ZFAND4: variants seen among roughly 807,000 people sequenced by gnomAD.
The protein encoded by ZFAND4 is zinc finger AN1-type containing 4, also known as AN1-type zinc finger protein 4.
In ZFAND4, 43 loss-of-function variants were observed where a neutral mutation model predicts 64.4. The observed-to-expected ratio is 0.67, with a 90% CI of 0.52 to 0.86. The LOEUF is 0.86. Ranked by LOEUF, ZFAND4 falls within the 40% of genes least tolerant of loss-of-function variation. ZFAND4 has a pLI of 0.00. For missense variants in ZFAND4, 929 were observed against 859.8 expected (o/e 1.08, Z -1.01); for synonymous variants, 296 against 305.7 (o/e 0.97, Z 0.33).
At chr10:45,669,376 G>C (rs1035095379) in intron 1 of ZFAND4, among the ~76,000 whole-genome samples, 2 of 152,156 alleles carry the variant, frequency 1.3e-5, no homozygotes, top group East Asian at 3.8e-4. Context: ...CTCTGAAATT[G>C]AGGCAATAAT....
intron 3 of ZFAND4, 80 bp downstream of exon 3, chr10:45,652,904 A>G: frequency 9.4e-7 from 1 of 1,060,296 alleles, no homozygotes; most frequent in Non-Finnish European, 1.4e-6. Flanking sequence ...ACATGATCTA[A>G]GAGTTCAAAA....
intron 5 of ZFAND4, among the ~76,000 whole-genome samples, chr10:45,643,466 C>T (rs540318323): frequency 6.6e-6 from 1 of 151,268 alleles, no homozygotes; most frequent in African/African-American, 2.4e-5. Context: ...GACGGGAGAT[C>T]AAGACCATCC....
chr10:45,665,595 C>T (rs1254811249), intron 1 of ZFAND4, among the ~76,000 whole-genome samples: 1 of 152,068 alleles, frequency 6.6e-6, no homozygotes, highest in Non-Finnish European at 1.5e-5. Flanking sequence ...ATAAAATTCA[C>T]TCATTTAAAG....
chr10:45,669,048 C>T (rs1009129134), intron 1 of ZFAND4, among the ~76,000 whole-genome samples: 1 of 152,140 alleles, frequency 6.6e-6, no homozygotes, highest in Non-Finnish European at 1.5e-5. Flanking sequence ...TAACTAAGAT[C>T]AGAGCAGAAC....
At chr10:45,671,357 G>A (rs985388112) in intron 1 of ZFAND4, among the ~76,000 whole-genome samples, 1 of 152,186 alleles carries the variant, frequency 6.6e-6, no homozygotes, top group African/African-American at 2.4e-5. Flanking sequence ...TATAAATCAT[G>A]CCACTATAAA....
chr10:45,661,558 TC>T (rs2048473340), intron 2 of ZFAND4, among the ~76,000 whole-genome samples: 1 of 152,162 alleles, frequency 6.6e-6, no homozygotes, highest in South Asian at 2.1e-4. Flanking sequence ...GTATTCCATA[TC>T]CCTCTAACTT....
intron 6 of ZFAND4, among the ~76,000 whole-genome samples, chr10:45,638,954 T>G (rs1020435629): frequency 6.6e-6 from 1 of 152,218 alleles, no homozygotes; most frequent in Non-Finnish European, 1.5e-5. Flanking sequence ...CAGGTACGTA[T>G]TAACTGGGAA....
intron 6 of ZFAND4, among the ~76,000 whole-genome samples, chr10:45,632,464 T>C (rs2046291429): frequency 6.6e-6 from 1 of 151,402 alleles, no homozygotes; most frequent in South Asian, 2.1e-4. Context: ...TTTAAAAAAG[T>C]AGAAAAAAAT....
At chr10:45,640,281 T>C in intron 5 of ZFAND4, 5 of 1,236,644 alleles carry the variant, frequency 4.0e-6, no homozygotes, top group East Asian at 5.6e-5. Context: ...TCCATGAGAA[T>C]GTCTGATTTC....
chr10:45,671,256 G>A (rs548590820), intron 1 of ZFAND4, among the ~76,000 whole-genome samples: 121 of 152,348 alleles, frequency 7.9e-4, no homozygotes, highest in African/African-American at 2.8e-3. Flanking sequence ...TTCAACCGTT[G>A]TGGAAAACAG....
At position 45,626,503 on chromosome 10, in the gene ZFAND4, C is replaced by A. The variant is rs1197961454; in HGVS notation, c.1320G>T (p.Gln440His). 1.2e-6 allele frequency: 2 copies of A among 1,613,798 alleles called. No individual in the cohort carries two copies. Among genetic ancestry groups the A allele is most frequent in the Non-Finnish European group, 1.7e-6 (2 of 1,180,040 alleles). Residue 440 changes from glutamine (Q) to histidine (H), a missense_variant, in exon 7 of 10, where the codon CAG (glutamine) becomes CAT (histidine). By Grantham distance (24) the Gln-to-His change is conservative. Transcript: ENST00000344646. ...GCACTCCTGCAACATGCTTGAGATG[C>A]TGCTCTGGAGCTTTCAACCCTTTGT... ...NADKGLKAPE[Q>H]HLKHVAGVLN...
chr10:45,665,922 A>G (rs1589445231), intron 1 of ZFAND4, among the ~76,000 whole-genome samples: 1 of 152,356 alleles, frequency 6.6e-6, no homozygotes, highest in East Asian at 1.9e-4. Context: ...TTGCTGAATA[A>G]TAGTCCCCTG....
At chr10:45,649,132 T>C (rs948312964) in intron 4 of ZFAND4, 1 of 150,726 alleles carries the variant, frequency 6.6e-6, no homozygotes, top group African/African-American at 2.6e-5. Context: ...TAGCTGGGCA[T>C]GGTGGTGCGC....
chr10:45,668,077 A>T (rs2048949847), intron 1 of ZFAND4, among the ~76,000 whole-genome samples: 1 of 152,150 alleles, frequency 6.6e-6, no homozygotes, highest in Non-Finnish European at 1.5e-5. Context: ...ATATTACATT[A>T]CTTTTTATGT....
At chr10:45,651,770 G>T in intron 4 of ZFAND4, 196 bp downstream of exon 4, 1 of 621,196 alleles carries the variant, frequency 1.6e-6, no homozygotes, top group Non-Finnish European at 3.0e-6. Flanking sequence ...GGAATCATGT[G>T]ATTTTTCTGA....
chr10:45,616,539 T>C lies in ZFAND4; in HGVS notation c.2081A>G (p.Tyr694Cys). The C allele has an allele frequency of 6.2e-7, 1 of 1,614,138 alleles. No individual in the cohort carries two copies. The highest frequency in any genetic ancestry group is 8.5e-7 in the Non-Finnish European group (1 of 1,180,006). Residue 694 changes from tyrosine (Y) to cysteine (C), a missense_variant, in exon 10 of 10, where the codon TAT (tyrosine) becomes TGT (cysteine). Tyr to Cys is a radical substitution (Grantham distance 194). Transcript: ENST00000344646. ...ATAGGTACAGCCATGAGTTTCTGCATAACGATGAGATGCACAGAAGTTGTT... is the reference window on the plus strand; with the variant it reads ...ATAGGTACAGCCATGAGTTTCTGCACAACGATGAGATGCACAGAAGTTGTT... ...CGNNFCASHRYAETHGCTYDY... is the reference protein window; with the variant it reads ...CGNNFCASHRCAETHGCTYDY...
At chr10:45,665,108 G>A (rs1357908649) in intron 1 of ZFAND4, among the ~76,000 whole-genome samples, 1 of 152,146 alleles carries the variant, frequency 6.6e-6, no homozygotes, top group Non-Finnish European at 1.5e-5. Flanking sequence ...TAAATGACAA[G>A]TATAGAACTA....
chr10:45,639,167 A>AAT (rs760203020), intron 6 of ZFAND4, among the ~76,000 whole-genome samples: 5 of 152,146 alleles, frequency 3.3e-5, no homozygotes, highest in Non-Finnish European at 5.9e-5. Context: ...TTTTATCTAG[A>AAT]ATATATATAA....
At chr10:45,621,100 A>C (rs1474261813) in intron 8 of ZFAND4, among the ~76,000 whole-genome samples, 1 of 152,246 alleles carries the variant, frequency 6.6e-6, no homozygotes, top group Non-Finnish European at 1.5e-5. Flanking sequence ...AGCAAAAAGT[A>C]ATAAATCAGT....
Sources: allele counts gnomAD v4.1 joint callset (sites outside exome capture counted in the v4.1 genomes callset), GRCh38; gene constraint gnomAD v4.1.1; transcripts MANE v1.5; gene names NCBI Gene and HGNC (gene_info 2026-07-23, HGNC 2026-07-21).